Variants in ZDHHC16 observed in about 807,000 individuals in gnomAD.
The protein encoded by ZDHHC16 is zDHHC palmitoyltransferase 16.
ZDHHC16 carries 33 observed loss-of-function variants against 54.4 expected under a neutral mutation model. That is an observed-to-expected ratio of 0.61 (90% CI 0.46 to 0.81). The LOEUF is 0.81. Ranked by LOEUF, ZDHHC16 falls within the 30% of genes least tolerant of loss-of-function variation. The probability of loss-of-function intolerance (pLI) is 0.00; values close to 1 mark genes in which losing one functional copy is unlikely to be tolerated. For synonymous variants in ZDHHC16, 185 were observed against 182.1 expected (o/e 1.02, Z -0.13); for missense variants, 420 against 485.9 (o/e 0.86, Z 1.28).
intron 8 of ZDHHC16, 58 bp downstream of exon 8, chr10:97,453,904 T>G: frequency 1.3e-5 from 21 of 1,611,306 alleles, no homozygotes; most frequent in Non-Finnish European, 1.8e-5. Context: ...ATAGAGTTGC[T>G]AAGGCATCTG....
Position 97,451,738 on chromosome 10 carries a change from G to T in ZDHHC16, c.63G>T (p.Leu21=). The T allele has an allele frequency of 6.2e-7, 1 of 1,613,788 alleles. No individual in the cohort carries two copies. Among genetic ancestry groups the T allele is most frequent in the Non-Finnish European group, 8.5e-7 (1 of 1,180,040 alleles). The change falls in exon 3 of 12, where the codon CTG becomes CTT. Residue 21 remains leucine, a synonymous_variant. Transcript: ENST00000393760. ...PARLCLRLLL[L]LGYRRRCPPL... The stretch of plus-strand genomic sequence containing the variant: ...GCCTCTGCCTCCGCCTCCTTCTGCT[G>T]CTGGGTTACAGGCGCCGCTGTCCAC...
intron 10 of ZDHHC16, 24 bp downstream of exon 10, chr10:97,455,807 G>A (rs1363697712): frequency 6.2e-7 from 1 of 1,609,862 alleles, no homozygotes; most frequent in Non-Finnish European, 8.5e-7. Context: ...AAGGCTCGGG[G>A]TGGGTAGGTG....
At chr10:97,450,756 G>C (rs1846535367) in intron 2 of ZDHHC16, 1 of 152,568 alleles carries the variant, frequency 6.6e-6, no homozygotes, top group African/African-American at 2.4e-5. Flanking sequence ...TGGGTATCTT[G>C]GGGCTAAGGC....
In ZDHHC16 at chr10:97,455,711, C is replaced by T. The variant is rs1433501290; in HGVS notation, c.876C>T (p.Ile292=). The change falls in exon 10 of 12, where the codon ATC becomes ATT. Residue 292 remains isoleucine (I), a synonymous_variant. Transcript: ENST00000393760. The part of the protein sequence containing the change: ...GALTVWHAVL[I]SRGETSIERH... ...TAACTGTATGGCATGCTGTTCTCAT[C>T]AGTCGAGGTGAGACTAGCATCGAAA... is the stretch of plus-strand genomic sequence containing the variant. 1 of 1,614,190 alleles carries T rather than the reference C, an allele frequency of 6.2e-7. No homozygotes were observed. The highest frequency in any genetic ancestry group is 1.1e-5 in the South Asian group (1 of 91,082).
Position 97,456,046 on chromosome 10 carries a change from T to C in ZDHHC16, c.1019+2T>C, listed in dbSNP as rs1589519609. On this transcript the variant is annotated splice_donor_variant, in intron 11 of 11. Coordinates refer to ENST00000393760, the MANE Select transcript of ZDHHC16 (RefSeq NM_198046.3). LOFTEE classifies it high-confidence loss of function. ...ATTCCTGGGTGTGGATACAGGAAGG[T>C]AATGTAAGACACACAGACTAATGCT... The C allele has an allele frequency of 1.2e-6, 2 of 1,613,876 alleles. No individual in the cohort carries two copies. Among genetic ancestry groups the C allele is most frequent in the Non-Finnish European group, 1.7e-6 (2 of 1,179,924 alleles).
chr10:97,452,711 AGT>A, intron 5 of ZDHHC16, 182 bp from the exon 6 acceptor site: 1 of 935,824 alleles, frequency 1.1e-6, no homozygotes, highest in East Asian at 2.5e-5. Flanking sequence ...TGGAGAGATG[AGT>A]TACCTTGTCC....
intron 1 of ZDHHC16, among the ~76,000 whole-genome samples, chr10:97,447,826 G>C (rs1156823286): frequency 6.6e-6 from 1 of 152,140 alleles, no homozygotes; most frequent in African/African-American, 2.4e-5. Context: ...AGGAGGCTGA[G>C]GCAGGAGAAT....
intron 5 of ZDHHC16, 118 bp downstream of exon 5, chr10:97,452,621 T>C (rs1846753247): frequency 8.8e-7 from 1 of 1,140,902 alleles, no homozygotes; most frequent in Non-Finnish European, 1.3e-6. Context: ...TCCCAGGTGA[T>C]GTGCCCTCTT....
At chr10:97,452,953 G>C in intron 6 of ZDHHC16, 30 bp downstream of exon 6, 1 of 1,614,142 alleles carries the variant, frequency 6.2e-7, no homozygotes, top group Non-Finnish European at 8.5e-7. Context: ...TCTGCCTGAG[G>C]CCTTCTTTAG....
chr10:97,456,927 C>A lies in ZDHHC16; in HGVS notation c.*36C>A. 6.6e-7 allele frequency: 1 copy of A among 1,523,940 alleles called. No individual in the cohort carries two copies. The highest frequency in any genetic ancestry group is 1.2e-5 in the South Asian group (1 of 83,962). 94.4% of individuals were successfully genotyped at this position (1,523,940 alleles called of 1,614,324 possible). ...GTCAGCCACGACTCGAGCACTCATT[C>A]TGCTCCCTATGTTATTTCAAGGGCC... On this transcript the variant is annotated 3_prime_UTR_variant, in exon 12 of 12. Transcript: ENST00000393760.
At chr10:97,451,565 CTTAGTCTT>C in intron 2 of ZDHHC16, 98 bp from the exon 3 acceptor site, 1 of 1,476,966 alleles carries the variant, frequency 6.8e-7, no homozygotes, top group Non-Finnish European at 9.1e-7. Flanking sequence ...CTAGCTGGGT[CTTAGTCTT>C]AGGTCTTTGC....
Position 97,455,999 on chromosome 10 carries a change from G to A in ZDHHC16, c.974G>A (p.Gly325Asp). 6.2e-7 allele frequency: 1 copy of A among 1,614,136 alleles called. No homozygotes were observed. The highest frequency in any genetic ancestry group is 1.3e-5 in the African/African-American group (1 of 75,054). The change falls in exon 11 of 12, where the codon GGC becomes GAC. Residue 325 changes from glycine to aspartate, a missense_variant. Coordinates refer to ENST00000393760, the MANE Select transcript of ZDHHC16 (RefSeq NM_198046.3). ...GRVFRNPYNY[G>D]CLDNWKVFLG... ...GTATTTAGGAATCCTTACAACTACG[G>A]CTGCTTGGACAACTGGAAGGTATTC... is the stretch of plus-strand genomic sequence containing the variant.
Position 97,452,188 on chromosome 10 carries a change from A to G in ZDHHC16, c.342A>G (p.Arg114=). The G allele has an allele frequency of 1.2e-6, 2 of 1,613,086 alleles. No individual in the cohort carries two copies. Among genetic ancestry groups the G allele is most frequent in the South Asian group, 2.2e-5 (2 of 91,028 alleles). ...TCCTCCGAACCTACTCAGTGCCACG[A>G]CTCTGCTGGCATTTCTTCTATAGCC... is the stretch of plus-strand genomic sequence containing the variant. ...PLILRTYSVP[R]LCWHFFYSHW... The change falls in exon 4 of 12, where the codon CGA becomes CGG. Residue 114 remains arginine (R), a synonymous_variant. Coordinates refer to ENST00000393760, the MANE Select transcript of ZDHHC16 (RefSeq NM_198046.3).
In ZDHHC16 at chr10:97,451,724, C is replaced by T. The variant is rs376949987; in HGVS notation, c.49C>T (p.Arg17Cys). The T allele has an allele frequency of 1.3e-4, 216 of 1,613,210 alleles. No individual in the cohort carries two copies. Among genetic ancestry groups the T allele is most frequent in the Middle Eastern group, 1.8e-4 (1 of 5,484 alleles). ...LLLGPARLCLRLLLLLGYRRR... is the reference protein window; with the variant it reads ...LLLGPARLCLCLLLLLGYRRR... ...GCTGGGCCCGGCCCGCCTCTGCCTC[C>T]GCCTCCTTCTGCTGCTGGGTTACAG... The change falls in exon 3 of 12, where the codon CGC becomes TGC. Residue 17 changes from arginine to cysteine, a missense_variant. Transcript: ENST00000393760.
chr10:97,454,929 G>C, intron 9 of ZDHHC16, 130 bp downstream of exon 9: 1 of 749,106 alleles, frequency 1.3e-6, no homozygotes, highest in Non-Finnish European at 2.3e-6. Context: ...TTGGCAGAGA[G>C]CCAGCACTTT....
At chr10:97,452,642 C>A in intron 5 of ZDHHC16, 139 bp downstream of exon 5, 1 of 1,037,328 alleles carries the variant, frequency 9.6e-7, no homozygotes, top group Non-Finnish European at 1.4e-6. Context: ...CTCCTGACAC[C>A]TCATCCTTAG....
In ZDHHC16 at chr10:97,450,463, T is replaced by G. The variant is rs1169695995; in HGVS notation, c.-79T>G. The G allele has an allele frequency of 6.6e-6, 1 of 152,266 alleles. No individual in the cohort carries two copies. Among genetic ancestry groups the G allele is most frequent in the Non-Finnish European group, 1.5e-5 (1 of 68,064 alleles). 9.4% of individuals were successfully genotyped at this position (152,266 alleles called of 1,614,324 possible). On this transcript the variant is annotated 5_prime_UTR_variant, in exon 2 of 12. An upstream open reading frame in the 5' UTR loses its in-frame stop. Transcript: ENST00000393760. ...GCCTCCTCCAGTTTCTGTTGGGTTT[T>G]GAGCTACCTGTTAAATAAGTCAGTG...
rs1489568573 is a variant in ZDHHC16 at position 97,456,997 on chromosome 10, T to C, written c.*106T>C. ...AGAATCCTTGATCAAAAAGAGCCAG[T>C]GGGCCTGCCTTAGGGTACCATGCAG... On this transcript the variant is annotated 3_prime_UTR_variant, in exon 12 of 12. Transcript: ENST00000393760. 3.5e-6 allele frequency: 3 copies of C among 854,040 alleles called. No homozygotes were observed. Among genetic ancestry groups the C allele is most frequent in the Non-Finnish European group, 5.2e-6 (3 of 572,576 alleles). The allele number at this position is 854,040 out of a possible 1,614,324, so 52.9% of individuals were successfully genotyped here. A position where few individuals can be genotyped will look rare whatever the true frequency, so the allele number is the denominator to read the frequency against.
chr10:97,449,990 G>C (rs553168784), intron 1 of ZDHHC16, among the ~76,000 whole-genome samples: 1 of 149,190 alleles, frequency 6.7e-6, no homozygotes, highest in Non-Finnish European at 1.5e-5. Context: ...TCCTGCCTCA[G>C]CCTCCCGAGT....
Sources: gnomAD v4.1 joint callset for allele counts (sites outside exome capture counted in the v4.1 genomes callset) on GRCh38, gnomAD v4.1.1 for gene constraint, MANE v1.5 for transcripts, NCBI Gene and HGNC (gene_info 2026-07-23, HGNC 2026-07-21) for gene names.